SNX29: variants seen among roughly 807,000 people sequenced by gnomAD.
SNX29 encodes the protein sorting nexin 29.
In SNX29, 78 loss-of-function variants were observed where a neutral mutation model predicts 102.1. That is an observed-to-expected ratio of 0.76 (90% CI 0.64 to 0.92). The LOEUF is 0.92. Among genes scored for constraint, SNX29 ranks in the 40% least tolerant of loss-of-function variants. The probability of loss-of-function intolerance (pLI) is 0.00; values close to 1 mark genes in which losing one functional copy is unlikely to be tolerated. For synonymous variants in SNX29, 580 were observed against 414.5 expected (o/e 1.40, Z -4.85); for missense variants, 1,280 against 1,061.7 (o/e 1.21, Z -2.86).
chr16:11,989,414 G>A (rs191738904), intron 1 of SNX29, among the ~76,000 whole-genome samples: 1 of 152,350 alleles, frequency 6.6e-6, no homozygotes, highest in East Asian at 1.9e-4. Context: ...CTGGCAGACA[G>A]TCTGTCCTTT....
At chr16:12,025,302 CAAAA>C (rs35724715) in intron 3 of SNX29, among the ~76,000 whole-genome samples, 1 of 60,596 alleles carries the variant, frequency 1.7e-5, no homozygotes, top group African/African-American at 7.1e-5. Flanking sequence ...AACTCCATCT[CAAAA>C]AAAAAAAAAA....
intron 20 of SNX29, among the ~76,000 whole-genome samples, chr16:12,560,160 C>T (rs1009313632): frequency 5.7e-5 from 8 of 140,522 alleles, no homozygotes; most frequent in South Asian, 2.3e-4. Flanking sequence ...ACAGTAAAGC[C>T]TTTCTCACTT....
At chr16:12,226,347 CT>C (rs2077610678) in intron 14 of SNX29, among the ~76,000 whole-genome samples, 1 of 152,108 alleles carries the variant, frequency 6.6e-6, no homozygotes, top group South Asian at 2.1e-4. Context: ...TAATGACCCC[CT>C]GAAAATGAAT....
chr16:12,562,861 G>C (rs8055385), intron 20 of SNX29, among the ~76,000 whole-genome samples: 145,303 of 152,260 alleles, frequency 0.95, 69,470 homozygotes, highest in Middle Eastern at 0.99. Context: ...ACAGCTCCCG[G>C]TCTGTGCTTT....
Position 12,373,321 on chromosome 16 carries a change from G to C in SNX29, c.1899+17042G>C, listed in dbSNP as rs114259574. Among the ~76,000 whole-genome samples, 522 of 152,084 alleles carry C rather than the reference G, an allele frequency of 3.4e-3. 5 individuals are homozygous for C. The highest frequency in any genetic ancestry group is 0.012 in the African/African-American group (505 of 41,474). On this transcript the variant is annotated intron_variant, in intron 16 of 20. Transcript: ENST00000566228. The stretch of plus-strand genomic sequence containing the variant: ...CTAACTCAAATTTTTATAGAGATGG[G>C]GTTTCACTATATGGCCCAGGCTGGT...
intron 11 of SNX29, among the ~76,000 whole-genome samples, chr16:12,104,088 T>C (rs1486033100): frequency 6.6e-6 from 1 of 152,194 alleles, no homozygotes; most frequent in Non-Finnish European, 1.5e-5. Flanking sequence ...TCAGAGTTTG[T>C]TTCCTTGAAA....
At chr16:12,211,738 G>A (rs2904347) in intron 14 of SNX29, among the ~76,000 whole-genome samples, 96,504 of 152,056 alleles carry the variant, frequency 0.63, 32,941 homozygotes, top group Admixed American at 0.76. Context: ...GGCAGAATTC[G>A]TACTTCCTTA....
At chr16:12,417,891 A>G (rs2084707211) in intron 18 of SNX29, among the ~76,000 whole-genome samples, 1 of 152,084 alleles carries the variant, frequency 6.6e-6, no homozygotes, top group South Asian at 2.1e-4. Context: ...GCCGACAGCG[A>G]GTGAGCTTTC....
intron 18 of SNX29, among the ~76,000 whole-genome samples, chr16:12,436,436 T>TGGCGC (rs1444854743): frequency 6.6e-6 from 1 of 152,094 alleles, no homozygotes; most frequent in Non-Finnish European, 1.5e-5. Flanking sequence ...CCTGGTGGAG[T>TGGCGC]GGCGCGCGAG....
intron 18 of SNX29, among the ~76,000 whole-genome samples, chr16:12,448,062 C>G (rs993451004): frequency 1.3e-5 from 2 of 152,182 alleles, no homozygotes; most frequent in Non-Finnish European, 2.9e-5. Flanking sequence ...ATGTATGAGG[C>G]CTGTGTCTCG....
At chr16:12,201,229 C>T (rs1244582299) in intron 14 of SNX29, among the ~76,000 whole-genome samples, 1 of 152,062 alleles carries the variant, frequency 6.6e-6, no homozygotes, top group African/African-American at 2.4e-5. Flanking sequence ...ACAGATATTG[C>T]TATTATGGCC....
intron 16 of SNX29, among the ~76,000 whole-genome samples, chr16:12,395,331 C>A (rs2083681259): frequency 6.6e-6 from 1 of 152,158 alleles, no homozygotes; most frequent in Non-Finnish European, 1.5e-5. Flanking sequence ...CCATCTGCCC[C>A]AAACAACCCA....
chr16:12,396,326 G>A (rs2083719512), intron 16 of SNX29, among the ~76,000 whole-genome samples: 1 of 152,170 alleles, frequency 6.6e-6, no homozygotes, highest in African/African-American at 2.4e-5. Flanking sequence ...GTGCTCTGTG[G>A]GGTAGATACA....
At chr16:12,567,591 G>C (rs747231967) in intron 20 of SNX29, among the ~76,000 whole-genome samples, 5 of 152,062 alleles carry the variant, frequency 3.3e-5, no homozygotes, top group Admixed American at 6.6e-5. Context: ...ACAAGAGCAA[G>C]ACCCCATCTC....
At chr16:12,212,382 T>A (rs543770385) in intron 14 of SNX29, among the ~76,000 whole-genome samples, 1 of 152,064 alleles carries the variant, frequency 6.6e-6, no homozygotes, top group Admixed American at 6.5e-5. Context: ...ACCTGCTCTT[T>A]GTCCTTGAAG....
At chr16:12,466,891 C>T (rs963414903) in intron 18 of SNX29, among the ~76,000 whole-genome samples, 3 of 152,190 alleles carry the variant, frequency 2.0e-5, no homozygotes, top group African/African-American at 4.8e-5. Flanking sequence ...AGGCCATTTG[C>T]ATCTTCCTTT....
At chr16:12,372,459 G>A (rs1412338170) in intron 16 of SNX29, 1 of 151,930 alleles carries the variant, frequency 6.6e-6, no homozygotes, top group Non-Finnish European at 1.5e-5. Context: ...AATTAATTCC[G>A]TTGAGCTACA....
chr16:12,570,562 C>G lies in SNX29; in HGVS notation c.*1933C>G, dbSNP rs1194620817. ...TGTTTGATGCCAGCTCAGAGACTGT[C>G]TCAGGAGTGCCTCCCTGGCCTGGGT... On this transcript the variant is annotated 3_prime_UTR_variant, in exon 21 of 21. Coordinates refer to ENST00000566228, the MANE Select transcript of SNX29 (RefSeq NM_032167.5). The G allele has an allele frequency of 1.7e-5, 4 of 232,288 alleles. No individual in the cohort carries two copies. Among genetic ancestry groups the G allele is most frequent in the South Asian group, 3.6e-4 (2 of 5,522 alleles). The allele number at this position is 232,288 out of a possible 1,614,324, so 14.4% of individuals were successfully genotyped here.
chr16:12,013,338 A>G (rs1386843742), intron 3 of SNX29, among the ~76,000 whole-genome samples: 3 of 150,394 alleles, frequency 2.0e-5, no homozygotes, highest in Admixed American at 6.7e-5. Context: ...AAACCTCAAA[A>G]CAACAGTCAA....
Sources: allele counts gnomAD v4.1 joint callset (sites outside exome capture counted in the v4.1 genomes callset), GRCh38; gene constraint gnomAD v4.1.1; transcripts MANE v1.5; gene names NCBI Gene and HGNC (gene_info 2026-07-23, HGNC 2026-07-21).